Variants in BRIP1 observed in about 807,000 individuals in gnomAD.
BRIP1 encodes BRCA1 interacting DNA helicase 1.
BRIP1 carries 88 observed loss-of-function variants against 119.7 expected under a neutral mutation model. The observed-to-expected ratio is 0.74, with a 90% CI of 0.62 to 0.88. BRIP1 has a LOEUF of 0.88. Among genes scored for constraint, BRIP1 ranks in the 40% least tolerant of loss-of-function variants. The probability of loss-of-function intolerance (pLI) is 0.00; values close to 1 mark genes in which losing one functional copy is unlikely to be tolerated. For synonymous variants in BRIP1, 443 were observed against 496.5 expected, an observed-to-expected ratio of 0.89 and a Z score of 1.43; for missense variants, 1,259 against 1,455.4, an observed-to-expected ratio of 0.87 and a Z score of 2.20.
chr17:61,727,799 T>C (rs923587088), intron 16 of BRIP1, among the ~76,000 whole-genome samples: 5 of 151,508 alleles, frequency 3.3e-5, no homozygotes, highest in Non-Finnish European at 7.4e-5. Context: ...TCTATATATA[T>C]ATATATAATC....
chr17:61,716,833 T>TAAA (rs1288480824), intron 16 of BRIP1, among the ~76,000 whole-genome samples: 1 of 17,472 alleles, frequency 5.7e-5, no homozygotes, highest in Non-Finnish European at 1.3e-4. Flanking sequence ...CACTACTGGA[T>TAAA]TATTAGCTAT....
chr17:61,765,423 A>T (rs8067467), intron 14 of BRIP1, among the ~76,000 whole-genome samples: 779 of 8,226 alleles, frequency 0.095, 72 homozygotes, highest in East Asian at 0.14. Flanking sequence ...ATATATATAT[A>T]TTTTTTTTTT....
chr17:61,712,827 G>A (rs759634766), intron 17 of BRIP1, among the ~76,000 whole-genome samples: 4 of 151,492 alleles, frequency 2.6e-5, no homozygotes, highest in Non-Finnish European at 4.4e-5. Context: ...TTGCTTGAAC[G>A]CAGGAGGCAG....
At position 61,793,679 on chromosome 17, in the gene BRIP1, G is replaced by A. The variant is rs2145242765; in HGVS notation, c.1391C>T (p.Ala464Val). 1 of 1,610,234 alleles carries A rather than the reference G, an allele frequency of 6.2e-7. No homozygotes were observed. The highest frequency in any genetic ancestry group is 2.2e-5 in the East Asian group (1 of 44,698). Residue 464 changes from alanine to valine, a missense_variant, in exon 10 of 20, where the codon GCT becomes GTT. This residue lies in a region of BRIP1 where 5 missense variants were observed against 19.6 expected (regional missense o/e 0.26). Transcript: ENST00000259008. This position sits in a 1 kb window ranked among gnomAD's most constrained non-coding sequence, Gnocchi z 5.2. ...EYLVERDYES[A>V]CKIWSGNEML... ...TTCATTTCCACTCCATATTTTACAA[G>A]CTGATTCATAATCTCTTTCTACAAG...
intron 16 of BRIP1, among the ~76,000 whole-genome samples, chr17:61,723,421 A>G (rs1413896989): frequency 1.3e-5 from 2 of 152,224 alleles, no homozygotes. Context: ...AAGCTCTGCC[A>G]TCTTGTAACT....
In BRIP1 at chr17:61,825,028, G is replaced by A. The variant is rs1325046326; in HGVS notation, c.628-16271C>T. 6.6e-6 allele frequency among the ~76,000 whole-genome samples: 1 copy of A among 152,146 alleles called. No homozygotes were observed. The highest frequency in any genetic ancestry group is 1.5e-5 in the Non-Finnish European group (1 of 68,018). On this transcript the variant is annotated intron_variant, in intron 6 of 19. Coordinates refer to ENST00000259008, the MANE Select transcript of BRIP1 (RefSeq NM_032043.3). This position sits in a 1 kb window ranked among gnomAD's most constrained non-coding sequence, Gnocchi z 4.1. ...CGGCCGGGTGCAGTGGCTCACGCCT[G>A]TAATCCCAACACTTTGGGAGGCTGA... is the stretch of plus-strand genomic sequence containing the variant.
At position 61,759,888 on chromosome 17, in the gene BRIP1, GAA is replaced by G. The variant is rs34241703; in HGVS notation, c.2098-15299_2098-15298del. 7.2e-5 allele frequency among the ~76,000 whole-genome samples: 10 copies of G among 139,450 alleles called. No homozygotes were observed. The highest frequency in any genetic ancestry group is 6.2e-4 in the East Asian group (3 of 4,840). The allele number at this position is 139,450 out of a possible 152,430, so 91.5% of individuals were successfully genotyped here. A position where few individuals can be genotyped will look rare whatever the true frequency, so the allele number is the denominator to read the frequency against. ...GGGTTGCCACAAACCTTTAATTTAT[GAA>G]AAAAAAAAAACCCAGAATATTTGCA... On this transcript the variant is annotated intron_variant, in intron 14 of 19. Coordinates refer to ENST00000259008, the MANE Select transcript of BRIP1 (RefSeq NM_032043.3). The surrounding 1 kb of genome is among the most constrained non-coding windows in gnomAD (Gnocchi z 4.9).
Position 61,780,471 on chromosome 17 carries a change from T to C in BRIP1, c.1795-70A>G. 7.4e-7 allele frequency: 1 copy of C among 1,348,272 alleles called. No individual in the cohort carries two copies. The highest frequency in any genetic ancestry group is 1.2e-5 in the South Asian group (1 of 84,698). 83.5% of individuals were successfully genotyped at this position (1,348,272 alleles called of 1,614,324 possible). A position where few individuals can be genotyped will look rare whatever the true frequency, so the allele number is the denominator to read the frequency against. ...GGCTGGGCAAAGTGGCTCACACCTG[T>C]AATCCCAGCACTTTGGGAGGCTGAA... On this transcript the variant is annotated intron_variant, in intron 12 of 19. Transcript: ENST00000259008. This position sits in a 1 kb window ranked among gnomAD's most constrained non-coding sequence, Gnocchi z 5.4.
rs187112590 is a variant in BRIP1, at chr17:61,691,897, A to C, written c.2575+1533T>G. On this transcript the variant is annotated intron_variant, in intron 18 of 19. Coordinates refer to ENST00000259008, the MANE Select transcript of BRIP1 (RefSeq NM_032043.3). The surrounding 1 kb of genome is among the most constrained non-coding windows in gnomAD (Gnocchi z 5.0). ...GTAGTCAAAAAAGTATGGTACTGGCATAAAGAGAACCATATAAGCCAATGG... is the reference window on the plus strand; with the variant it reads ...GTAGTCAAAAAAGTATGGTACTGGCCTAAAGAGAACCATATAAGCCAATGG... 1.3e-5 allele frequency among the ~76,000 whole-genome samples: 2 copies of C among 152,376 alleles called. No individual in the cohort carries two copies. Among genetic ancestry groups the C allele is most frequent in the Middle Eastern group, 3.4e-3 (1 of 294 alleles).
intron 13 of BRIP1, among the ~76,000 whole-genome samples, chr17:61,777,726 G>A (rs2077556542): frequency 6.6e-6 from 1 of 152,040 alleles, no homozygotes; most frequent in East Asian, 1.9e-4. Flanking sequence ...CCCTCCAAGT[G>A]TTCAGGAACC....
rs1372217311 is a variant in BRIP1, at chr17:61,703,365, T to C, written c.2493-9853A>G. ...GCGTGAGCCACCACGCCCAGCCACATTGTGGTTTTGATTTGCATTTCTCTA... is the reference window on the plus strand; with the variant it reads ...GCGTGAGCCACCACGCCCAGCCACACTGTGGTTTTGATTTGCATTTCTCTA... On this transcript the variant is annotated intron_variant, in intron 17 of 19. Transcript: ENST00000259008. This position sits in a 1 kb window ranked among gnomAD's most constrained non-coding sequence, Gnocchi z 5.0. Among the ~76,000 whole-genome samples the C allele has an allele frequency of 6.6e-6, 1 of 152,160 alleles. No homozygotes were observed. The highest frequency in any genetic ancestry group is 6.5e-5 in the Admixed American group (1 of 15,268).
intron 6 of BRIP1, among the ~76,000 whole-genome samples, chr17:61,817,246 A>G (rs1224607069): frequency 1.3e-5 from 2 of 152,174 alleles, no homozygotes. Context: ...AAAGACATAT[A>G]TGTATTATTT....
In BRIP1 at chr17:61,806,514, A is replaced by C. The variant is rs1252826878; in HGVS notation, c.918+1953T>G. Among the ~76,000 whole-genome samples the C allele has an allele frequency of 2.6e-5, 4 of 152,232 alleles. No homozygotes were observed. Among genetic ancestry groups the C allele is most frequent in the African/African-American group, 9.6e-5 (4 of 41,460 alleles). ...ACTAAAGGCCAATGAAAAATTCGGA[A>C]CATTGAAGTCTACTGAATTCCTTTT... On this transcript the variant is annotated intron_variant, in intron 7 of 19. Transcript: ENST00000259008. This position sits in a 1 kb window ranked among gnomAD's most constrained non-coding sequence, Gnocchi z 4.9.
chr17:61,784,563 C>A, intron 10 of BRIP1, 139 bp from the exon 11 acceptor site: 2 of 807,526 alleles, frequency 2.5e-6, no homozygotes, highest in Non-Finnish European at 4.0e-6. Context: ...GATAGTCTGA[C>A]TTCTCCAAAT....
Position 61,793,675 on chromosome 17 carries a change from A to G in BRIP1, c.1395T>C (p.Cys465=), listed in dbSNP as rs2077855024. 1 of 1,610,376 alleles carries G rather than the reference A, an allele frequency of 6.2e-7. No individual in the cohort carries two copies. The highest frequency in any genetic ancestry group is 8.5e-7 in the Non-Finnish European group (1 of 1,177,960). ...YLVERDYESA[C]KIWSGNEMLL... The stretch of plus-strand genomic sequence containing the variant: ...GCATTTCATTTCCACTCCATATTTT[A>G]CAAGCTGATTCATAATCTCTTTCTA... The change falls in exon 10 of 20, where the codon TGT becomes TGC. Residue 465 remains cysteine (C), a synonymous_variant. Transcript: ENST00000259008. This position sits in a 1 kb window ranked among gnomAD's most constrained non-coding sequence, Gnocchi z 5.2.
chr17:61,787,789 C>T (rs796844860), intron 10 of BRIP1, among the ~76,000 whole-genome samples: 4 of 152,196 alleles, frequency 2.6e-5, no homozygotes, highest in Admixed American at 6.5e-5. Flanking sequence ...GGACTACAGG[C>T]GCCCGCCACC....
rs1222946531 is a variant in BRIP1 at position 61,768,566 on chromosome 17, TCAC to T, written c.2097+7832_2097+7834del. Among the ~76,000 whole-genome samples, 6 of 152,194 alleles carry T rather than the reference TCAC, an allele frequency of 3.9e-5. No individual in the cohort carries two copies. The highest frequency in any genetic ancestry group is 3.9e-4 in the Admixed American group (6 of 15,258). On this transcript the variant is annotated intron_variant, in intron 14 of 19. Coordinates refer to ENST00000259008, the MANE Select transcript of BRIP1 (RefSeq NM_032043.3). The surrounding 1 kb of genome is among the most constrained non-coding windows in gnomAD (Gnocchi z 5.0). ...CTACCTAAATTTCATAAATATCATT[TCAC>T]TTCTATTAATATTTTCATATGCCAT... is the stretch of plus-strand genomic sequence containing the variant.
Position 61,753,770 on chromosome 17 carries a change from A to AAAC in BRIP1, c.2098-9180_2098-9179insGTT, listed in dbSNP as rs748700915. Among the ~76,000 whole-genome samples the AAAC allele has an allele frequency of 2.6e-3, 383 of 150,148 alleles. 1 individual carries two copies. The highest frequency in any genetic ancestry group is 5.1e-3 in the East Asian group (26 of 5,068). On this transcript the variant is annotated intron_variant, in intron 14 of 19. Coordinates refer to ENST00000259008, the MANE Select transcript of BRIP1 (RefSeq NM_032043.3). This position sits in a 1 kb window ranked among gnomAD's most constrained non-coding sequence, Gnocchi z 4.6. ...GTATGCACTGCCATGTCTGGCTTGAAAAGAACAACAACAACAACAACAACA... is the reference window on the plus strand; with the variant it reads ...GTATGCACTGCCATGTCTGGCTTGAAAACAAGAACAACAACAACAACAACAACA...
chr17:61,792,920 G>A (rs2077841073), intron 10 of BRIP1, among the ~76,000 whole-genome samples: 1 of 152,158 alleles, frequency 6.6e-6, no homozygotes, highest in Non-Finnish European at 1.5e-5. Flanking sequence ...GAGTTGGTGT[G>A]TATTGTGTAT....
Sources: gnomAD v4.1 joint callset for allele counts (sites outside exome capture counted in the v4.1 genomes callset) on GRCh38, gnomAD v4.1.1 for gene constraint, gnomAD v4.1.1 regional missense constraint, Gnocchi (gnomAD v3.1) non-coding constraint, MANE v1.5 for transcripts, NCBI Gene and HGNC (gene_info 2026-07-23, HGNC 2026-07-21) for gene names.